LAMA1: variants seen among roughly 807,000 people sequenced by gnomAD.
LAMA1 encodes the protein laminin subunit alpha-1.
LAMA1 carries 219 observed loss-of-function variants against 348.7 expected under a neutral mutation model. The ratio of observed to expected loss-of-function variants is 0.63; its 90% CI spans 0.56 to 0.70. LAMA1 has a LOEUF of 0.70. LAMA1 is among the 30% of genes least tolerant of loss of function. The pLI is 0.00. For synonymous variants in LAMA1, 1,487 were observed against 1,491.0 expected (o/e 1.00, Z 0.06); for missense variants, 3,744 against 3,888.0 (o/e 0.96, Z 0.99).
chr18:6,982,427 T>C, intron 41 of LAMA1, 70 bp downstream of exon 41: 1 of 1,260,134 alleles, frequency 7.9e-7, no homozygotes, highest in South Asian at 1.2e-5. Flanking sequence ...AGGAGAACAT[T>C]CTTAGAGGCT....
intron 58 of LAMA1, 71 bp downstream of exon 58, chr18:6,950,711 A>G: frequency 6.5e-7 from 1 of 1,543,136 alleles, no homozygotes; most frequent in Admixed American, 1.7e-5. Context: ...GCCTTTGAGA[A>G]ATGGAGTGAA....
chr18:7,093,379 G>T (rs1278572892), intron 1 of LAMA1, among the ~76,000 whole-genome samples: 2 of 152,070 alleles, frequency 1.3e-5, no homozygotes, highest in African/African-American at 4.8e-5. Flanking sequence ...TCGCGCCACT[G>T]CACTCCAGCC....
intron 5 of LAMA1, among the ~76,000 whole-genome samples, chr18:7,047,368 G>C (rs1313476863): frequency 6.6e-6 from 1 of 152,032 alleles, no homozygotes; most frequent in Non-Finnish European, 1.5e-5. Context: ...GAACATTGTT[G>C]AGCATTATTG....
At chr18:6,983,328 G>T in intron 39 of LAMA1, 94 bp from the exon 40 acceptor site, 1 of 1,275,934 alleles carries the variant, frequency 7.8e-7, no homozygotes, top group Non-Finnish European at 1.1e-6. Flanking sequence ...AGTTTTGAAA[G>T]CCTCCTATCT....
At chr18:6,995,327 G>A (rs1173939936) in intron 34 of LAMA1, 30 bp downstream of exon 34, 1 of 1,483,024 alleles carries the variant, frequency 6.7e-7, no homozygotes, top group Non-Finnish European at 9.4e-7. Context: ...GGACCAGGAG[G>A]AAGGTTGGTT....
chr18:6,943,301 A>T lies in LAMA1; in HGVS notation c.8946T>A (p.Ala2982=). The T allele has an allele frequency of 6.2e-7, 1 of 1,614,206 alleles. No homozygotes were observed. Among genetic ancestry groups the T allele is most frequent in the Non-Finnish European group, 8.5e-7 (1 of 1,180,030 alleles). ...GAGTGATACGGTGTTTGCTTTTGTT[A>T]GCTTGAAGAGTGTGCCATTTTCCAT... ...LCDGKWHTLQ[A]NKSKHRITLI... is the part of the protein sequence containing the mutation. The change falls in exon 62 of 63, where the codon GCT becomes GCA. Residue 2982 remains alanine (A), a synonymous_variant. Coordinates refer to ENST00000389658, the MANE Select transcript of LAMA1 (RefSeq NM_005559.4).
In LAMA1 at chr18:6,961,656, C is replaced by A; in HGVS notation, c.7556G>T (p.Ser2519Ile). ...GAGGGCAGCCAGGATGATGCCACTGCTGTTCGTGGTGGCAAATGTTACCAG... is the reference window on the plus strand; with the variant it reads ...GAGGGCAGCCAGGATGATGCCACTGATGTTCGTGGTGGCAAATGTTACCAG... ...EWLVTFATTN[S>I]SGIILAALGG... Residue 2519 changes from serine (S) to isoleucine (I), a missense_variant, in exon 53 of 63, where the codon AGC becomes ATC. Coordinates refer to ENST00000389658, the MANE Select transcript of LAMA1 (RefSeq NM_005559.4). The A allele has an allele frequency of 6.2e-7, 1 of 1,614,168 alleles. No individual in the cohort carries two copies. The highest frequency in any genetic ancestry group is 1.1e-5 in the South Asian group (1 of 91,072).
At chr18:7,001,990 G>A (rs2057809624) in intron 30 of LAMA1, among the ~76,000 whole-genome samples, 1 of 152,170 alleles carries the variant, frequency 6.6e-6, no homozygotes, top group African/African-American at 2.4e-5. Flanking sequence ...GGATACATAT[G>A]CTGTGGGCTA....
At chr18:7,020,500 AAATGGAAGG>A (rs540995039) in intron 19 of LAMA1, among the ~76,000 whole-genome samples, 64 of 152,330 alleles carry the variant, frequency 4.2e-4, no homozygotes, top group Admixed American at 7.8e-4. Flanking sequence ...CCTGTTATAG[AAATGGAAGG>A]ACTGCTCGTG....
At position 6,995,441 on chromosome 18, in the gene LAMA1, A is replaced by C. The variant is rs764485709; in HGVS notation, c.4812T>G (p.Ser1604=). The change falls in exon 34 of 63, where the codon TCT becomes TCG. Residue 1604 remains serine (S), a synonymous_variant. Coordinates refer to ENST00000389658, the MANE Select transcript of LAMA1 (RefSeq NM_005559.4). The part of the protein sequence containing the change: ...LENTTKYLQE[S]LLKENMQKDL... ...CCTTTTGCATATTTTCTTTTAATAA[A>C]GATTCCTAGGAAGAATGGAGGAAAC... The C allele has an allele frequency of 6.3e-7, 1 of 1,576,312 alleles. No homozygotes were observed. Among genetic ancestry groups the C allele is most frequent in the South Asian group, 1.1e-5 (1 of 90,340 alleles).
Position 6,978,329 on chromosome 18 carries a change from G to T in LAMA1, c.6057C>A (p.Ser2019Arg), listed in dbSNP as rs1287266112. Residue 2019 changes from serine to arginine, a missense_variant, in exon 43 of 63, where the codon AGC becomes AGA. Coordinates refer to ENST00000389658, the MANE Select transcript of LAMA1 (RefSeq NM_005559.4). ...CCCTCAGCGTGCTCACCGCGCTCTG[G>T]CTTGCAGACGTGGCCAGCTCTTTGG... ...AKTKELATSASQSAVSTLRDV... is the reference protein window; with the variant it reads ...AKTKELATSARQSAVSTLRDV... The T allele has an allele frequency of 3.1e-6, 5 of 1,614,060 alleles. No individual in the cohort carries two copies. The highest frequency in any genetic ancestry group is 4.2e-6 in the Non-Finnish European group (5 of 1,180,052).
intron 29 of LAMA1, among the ~76,000 whole-genome samples, chr18:7,003,554 G>A (rs180938393): frequency 6.6e-6 from 1 of 152,146 alleles, no homozygotes; most frequent in South Asian, 2.1e-4. Flanking sequence ...CACCGTGCCC[G>A]GCCAAAAAGG....
intron 18 of LAMA1, among the ~76,000 whole-genome samples, chr18:7,024,125 TG>T (rs748081852): frequency 2.6e-5 from 4 of 152,146 alleles, no homozygotes; most frequent in Non-Finnish European, 5.9e-5. Context: ...ATTACATGTG[TG>T]GGCCACCAAA....
Position 7,042,144 on chromosome 18 carries a change from C to T in LAMA1, c.1261+1G>A. 1 of 1,596,962 alleles carries T rather than the reference C, an allele frequency of 6.3e-7. No individual in the cohort carries two copies. The highest frequency in any genetic ancestry group is 8.6e-7 in the Non-Finnish European group (1 of 1,166,176). ...AGCACAAAAGTGAATCAAGTACTTA[C>T]CATTGTGTAAGTCAGAATGGAGGTC... is the stretch of plus-strand genomic sequence containing the variant. On this transcript the variant is annotated splice_donor_variant, in intron 9 of 62. Coordinates refer to ENST00000389658, the MANE Select transcript of LAMA1 (RefSeq NM_005559.4). LOFTEE classifies it high-confidence loss of function.
intron 3 of LAMA1, among the ~76,000 whole-genome samples, chr18:7,055,112 C>CTGTGTGTGTGTG (rs147015838): frequency 3.4e-5 from 5 of 145,234 alleles, no homozygotes; most frequent in African/African-American, 1.0e-4. Context: ...CAAGGGTCAG[C>CTGTGTGTGTGTG]TGTGTGTGTG....
Position 6,986,342 on chromosome 18 carries a change from G to C in LAMA1, c.5174C>G (p.Ala1725Gly). 1 of 1,613,936 alleles carries C rather than the reference G, an allele frequency of 6.2e-7. No individual in the cohort carries two copies. Among genetic ancestry groups the C allele is most frequent in the Non-Finnish European group, 8.5e-7 (1 of 1,179,920 alleles). Residue 1725 changes from alanine (A) to glycine (G), a missense_variant, in exon 37 of 63, where the codon GCT becomes GGT. Physicochemically the swap from Ala to Gly is moderately conservative, Grantham distance 60. Coordinates refer to ENST00000389658, the MANE Select transcript of LAMA1 (RefSeq NM_005559.4). ...CTGAATTTGTGACAATAAATCTTCA[G>C]CAGCCCTGATAAATATGAATGGTTC... is the stretch of plus-strand genomic sequence containing the variant. ...HQNATLELKAAEDLLSQIQEN... is the reference protein window; with the variant it reads ...HQNATLELKAGEDLLSQIQEN...
chr18:6,973,345 C>T, intron 46 of LAMA1, 138 bp from the exon 47 acceptor site: 1 of 749,524 alleles, frequency 1.3e-6, no homozygotes. Context: ...CTCCTGGCTT[C>T]CAGTCTTGCC....
rs1323611774 is a variant in LAMA1 at position 7,023,273 on chromosome 18, G to A, written c.2592C>T (p.Asp864=). Reference sequence around the variant, plus strand: ...ACTTCAGGCACTCCCCGGTGACTGAGTCACAGTGACCAGCCTCCGAGGGGT... The same window carrying A: ...ACTTCAGGCACTCCCCGGTGACTGAATCACAGTGACCAGCCTCCGAGGGGT... ...NVDPSEAGHC[D]SVTGECLKCL... is the part of the protein sequence containing the mutation. Residue 864 remains aspartate, a synonymous_variant, in exon 19 of 63, where the codon GAC becomes GAT. Coordinates refer to ENST00000389658, the MANE Select transcript of LAMA1 (RefSeq NM_005559.4). 1 of 1,614,134 alleles carries A rather than the reference G, an allele frequency of 6.2e-7. No individual in the cohort carries two copies. Among genetic ancestry groups the A allele is most frequent in the Non-Finnish European group, 8.5e-7 (1 of 1,180,018 alleles).
chr18:7,034,919 G>T (rs1311127707), intron 13 of LAMA1, among the ~76,000 whole-genome samples: 1 of 152,112 alleles, frequency 6.6e-6, no homozygotes, highest in Non-Finnish European at 1.5e-5. Flanking sequence ...TGTGTACTTC[G>T]CTGGGATCTT....
Sources: allele counts gnomAD v4.1 joint callset (sites outside exome capture counted in the v4.1 genomes callset), GRCh38; gene constraint gnomAD v4.1.1; transcripts MANE v1.5; gene names NCBI Gene and HGNC (gene_info 2026-07-23, HGNC 2026-07-21).